RAPGEF4: variants seen among roughly 807,000 people sequenced by gnomAD.
RAPGEF4 encodes the protein Rap guanine nucleotide exchange factor 4, also known as RAP guanine-nucleotide-exchange factor (GEF) 4.
In RAPGEF4, 66 loss-of-function variants were observed where a neutral mutation model predicts 147.9. The ratio of observed to expected loss-of-function variants is 0.45; its 90% CI spans 0.37 to 0.55. The LOEUF is 0.55. RAPGEF4 is among the 20% of genes least tolerant of loss of function. The probability of loss-of-function intolerance (pLI) is 0.00; values close to 1 mark genes in which losing one functional copy is unlikely to be tolerated. For missense variants in RAPGEF4, 1,071 were observed against 1,257.3 expected, an observed-to-expected ratio of 0.85 and a Z score of 2.24; for synonymous variants, 419 against 442.7, an observed-to-expected ratio of 0.95 and a Z score of 0.67.
intron 10 of RAPGEF4, among the ~76,000 whole-genome samples, chr2:172,970,567 T>G (rs1468925461): frequency 6.6e-6 from 1 of 152,182 alleles, no homozygotes; most frequent in Non-Finnish European, 1.5e-5. Context: ...ACTTTGAGAA[T>G]TTGATTGTAT....
chr2:172,872,763 C>T (rs1182632485), intron 4 of RAPGEF4, among the ~76,000 whole-genome samples: 1 of 152,146 alleles, frequency 6.6e-6, no homozygotes, highest in Non-Finnish European at 1.5e-5. Context: ...AGCCATGTTT[C>T]CTGTACAGTC....
At chr2:172,997,928 GT>G (rs1392564162) in intron 16 of RAPGEF4, among the ~76,000 whole-genome samples, 2 of 152,080 alleles carry the variant, frequency 1.3e-5, no homozygotes, top group East Asian at 3.8e-4. Flanking sequence ...ATTACCTGAG[GT>G]TTTTTATGTA....
chr2:172,962,970 C>A (rs954192307), intron 8 of RAPGEF4, among the ~76,000 whole-genome samples: 1 of 152,136 alleles, frequency 6.6e-6, no homozygotes, highest in Non-Finnish European at 1.5e-5. Context: ...CATTGACTCA[C>A]AGTTCCACAG....
At chr2:172,953,175 A>AT (rs1553537103) in intron 6 of RAPGEF4, among the ~76,000 whole-genome samples, 8 of 150,568 alleles carry the variant, frequency 5.3e-5, no homozygotes, top group Non-Finnish European at 1.5e-5. Flanking sequence ...CCACTTAAAA[A>AT]ATATATATAT....
At chr2:173,020,548 G>A in intron 22 of RAPGEF4, 70 bp from the exon 23 acceptor site, 1 of 1,221,852 alleles carries the variant, frequency 8.2e-7, no homozygotes, top group East Asian at 2.3e-5. Flanking sequence ...CAATTTGTTG[G>A]TGTGATTAGG....
In RAPGEF4 at chr2:172,983,554, A is replaced by G; in HGVS notation, c.1063A>G (p.Lys355Glu). 6.2e-7 allele frequency: 1 copy of G among 1,613,606 alleles called. No homozygotes were observed. Among genetic ancestry groups the G allele is most frequent in the Non-Finnish European group, 8.5e-7 (1 of 1,179,942 alleles). The change falls in exon 11 of 31, where the codon AAA (lysine) becomes GAA (glutamate). Residue 355 changes from lysine (K) to glutamate (E), a missense_variant. Coordinates refer to ENST00000397081, the MANE Select transcript of RAPGEF4 (RefSeq NM_007023.4). Reference sequence around the variant, plus strand: ...TATCTATGAGGAGCTTCTTCATATTAAAGCCTTATCCCATCTTTCTACCAC... The same window carrying G: ...TATCTATGAGGAGCTTCTTCATATTGAAGCCTTATCCCATCTTTCTACCAC... ...EIIYEELLHIKALSHLSTTVK... is the reference protein window; with the variant it reads ...EIIYEELLHIEALSHLSTTVK...
intron 4 of RAPGEF4, among the ~76,000 whole-genome samples, chr2:172,896,742 A>G (rs1412406664): frequency 1.3e-5 from 2 of 152,250 alleles, no homozygotes; most frequent in Non-Finnish European, 2.9e-5. Flanking sequence ...TTTTCCTCCA[A>G]ACAAAGACAA....
chr2:173,038,886 T>G (rs1269180167), intron 29 of RAPGEF4, among the ~76,000 whole-genome samples: 11 of 152,254 alleles, frequency 7.2e-5, no homozygotes. Context: ...TTTTGAGATC[T>G]TGGTGTCCCA....
intron 3 of RAPGEF4, among the ~76,000 whole-genome samples, chr2:172,801,504 G>GGCT (rs1162342952): frequency 2.6e-5 from 4 of 152,258 alleles, no homozygotes; most frequent in Non-Finnish European, 5.9e-5. Context: ...GAGCGGGAGT[G>GGCT]GCTGCTGGCA....
At chr2:172,738,931 A>G (rs913401206) in intron 1 of RAPGEF4, among the ~76,000 whole-genome samples, 2 of 152,350 alleles carry the variant, frequency 1.3e-5, no homozygotes, top group East Asian at 1.9e-4. Context: ...AGGAAAATAG[A>G]GCCTTAAAGT....
rs1489947730 is a variant in RAPGEF4, at chr2:173,036,890, G to A, written c.2853+198G>A. On this transcript the variant is annotated intron_variant, in intron 29 of 30. Coordinates refer to ENST00000397081, the MANE Select transcript of RAPGEF4 (RefSeq NM_007023.4). ...TCTTTTGTGAAATTGAATAGTATTT[G>A]TGTGGTGGTTCACAGCAGCAGCTGG... The A allele has an allele frequency of 2.5e-5, 12 of 474,338 alleles. No individual in the cohort carries two copies. In the South Asian group the frequency reaches 4.8e-4, roughly 19 times the overall value. 29.4% of individuals were successfully genotyped at this position (474,338 alleles called of 1,614,324 possible).
In RAPGEF4 at chr2:172,735,913, G is replaced by C; in HGVS notation, c.-71G>C. 1.5e-6 allele frequency: 2 copies of C among 1,302,018 alleles called. No individual in the cohort carries two copies. Among genetic ancestry groups the C allele is most frequent in the Non-Finnish European group, 2.0e-6 (2 of 1,006,066 alleles). 80.7% of individuals were successfully genotyped at this position (1,302,018 alleles called of 1,614,324 possible). On this transcript the variant is annotated 5_prime_UTR_variant, in exon 1 of 31. Coordinates refer to ENST00000397081, the MANE Select transcript of RAPGEF4 (RefSeq NM_007023.4). The stretch of plus-strand genomic sequence containing the variant: ...CGGGGTCCGCGCGGCGGACGAGGCG[G>C]GGGCGGAGGCGCAGGCAGAGCGAGC...
Position 172,896,577 on chromosome 2 carries a change from AC to A in RAPGEF4, c.445-21216del, listed in dbSNP as rs569045502. Among the ~76,000 whole-genome samples the A allele has an allele frequency of 3.0e-3, 407 of 135,888 alleles. 2 individuals are homozygous for A. Among genetic ancestry groups the A allele is most frequent in the African/African-American group, 9.9e-3 (363 of 36,592 alleles). The allele number at this position is 135,888 out of a possible 152,430, so 89.1% of individuals were successfully genotyped here. On this transcript the variant is annotated intron_variant, in intron 4 of 30. Coordinates refer to ENST00000397081, the MANE Select transcript of RAPGEF4 (RefSeq NM_007023.4). Reference sequence around the variant, plus strand: ...GTGGGTTTGCCACCAACACCATCCCACCCCCCCCCAAAAAAATCCAGTTTTG... The same window carrying A: ...GTGGGTTTGCCACCAACACCATCCCACCCCCCCCAAAAAAATCCAGTTTTG...
At chr2:173,023,578 A>G (rs1696328442) in intron 23 of RAPGEF4, among the ~76,000 whole-genome samples, 1 of 152,154 alleles carries the variant, frequency 6.6e-6, no homozygotes, top group Non-Finnish European at 1.5e-5. Context: ...CTACGCCGGG[A>G]GAGAGACTTG....
intron 3 of RAPGEF4, among the ~76,000 whole-genome samples, chr2:172,798,769 G>C (rs1294752875): frequency 6.6e-6 from 1 of 152,092 alleles, no homozygotes; most frequent in Non-Finnish European, 1.5e-5. Context: ...AAATGGAGTG[G>C]TATCCCAAAA....
At chr2:172,764,108 G>A (rs1362831436) in intron 1 of RAPGEF4, among the ~76,000 whole-genome samples, 4 of 151,954 alleles carry the variant, frequency 2.6e-5, no homozygotes, top group South Asian at 2.1e-4. Flanking sequence ...AAAAAAATTA[G>A]CCAAGCATGG....
intron 6 of RAPGEF4, among the ~76,000 whole-genome samples, chr2:172,950,316 G>A (rs748293781): frequency 5.3e-4 from 80 of 152,284 alleles, no homozygotes; most frequent in Admixed American, 2.0e-4. Flanking sequence ...GGCGGGGGCC[G>A]TGGGGCTTGG....
chr2:173,043,298 A>G (rs896656746), intron 29 of RAPGEF4, among the ~76,000 whole-genome samples: 2 of 152,232 alleles, frequency 1.3e-5, no homozygotes, highest in Admixed American at 6.5e-5. Flanking sequence ...AAACATTAAG[A>G]GCAAGGATGG....
At chr2:173,040,312 C>T (rs4433966) in intron 29 of RAPGEF4, among the ~76,000 whole-genome samples, 1 of 152,138 alleles carries the variant, frequency 6.6e-6, no homozygotes, top group East Asian at 1.9e-4. Context: ...CCAAAATTTT[C>T]TCCCCATAAA....
Sources: gnomAD v4.1 joint callset for allele counts (sites outside exome capture counted in the v4.1 genomes callset) on GRCh38, gnomAD v4.1.1 for gene constraint, MANE v1.5 for transcripts, NCBI Gene and HGNC (gene_info 2026-07-23, HGNC 2026-07-21) for gene names.